The following CNBD1 variants were observed in gnomAD, a reference collection of about 807,000 sequenced individuals.
CNBD1 encodes the protein cyclic nucleotide-binding domain-containing protein 1.
CNBD1 carries 71 observed loss-of-function variants against 54.4 expected under a neutral mutation model. That is an observed-to-expected ratio of 1.30 (90% CI 1.08 to 1.59). The LOEUF is 1.59. Ranked by LOEUF, CNBD1 falls within the 40% of genes most tolerant of loss-of-function variation. CNBD1 has a pLI of 0.00. For missense variants in CNBD1, 659 were observed against 518.0 expected (o/e 1.27, Z -2.64); for synonymous variants, 182 against 170.7 (o/e 1.07, Z -0.51).
intron 3 of CNBD1, among the ~76,000 whole-genome samples, chr8:86,930,486 C>T (rs1809438892): frequency 6.6e-6 from 1 of 152,156 alleles, no homozygotes. Context: ...CAGATGAGGG[C>T]TATCCCTAAA....
intron 4 of CNBD1, among the ~76,000 whole-genome samples, chr8:87,090,546 T>A (rs2130678471): frequency 6.6e-6 from 1 of 152,310 alleles, no homozygotes; most frequent in Non-Finnish European, 1.5e-5. Flanking sequence ...ATTCTTAACT[T>A]TCTGATCTTC....
downstream of CNBD1, among the ~76,000 whole-genome samples, chr8:87,386,315 G>A (rs111267024): frequency 0.015 from 2,309 of 152,152 alleles, 57 homozygotes; most frequent in African/African-American, 0.049. Flanking sequence ...AAACTACTCC[G>A]AGCTAAAGCA....
At chr8:87,275,895 G>A (rs1298003034) in intron 6 of CNBD1, among the ~76,000 whole-genome samples, 1 of 151,862 alleles carries the variant, frequency 6.6e-6, no homozygotes, top group Non-Finnish European at 1.5e-5. Flanking sequence ...CAAAATCAAT[G>A]TACAAAAATC....
At chr8:87,017,554 T>G (rs2130570937) in intron 4 of CNBD1, among the ~76,000 whole-genome samples, 1 of 152,256 alleles carries the variant, frequency 6.6e-6, no homozygotes, top group East Asian at 1.9e-4. Context: ...TAAAAATGGT[T>G]TACATGAAAT....
intron 2 of CNBD1, among the ~76,000 whole-genome samples, chr8:87,416,296 A>G: frequency 6.6e-6 from 1 of 152,066 alleles, no homozygotes; most frequent in East Asian, 1.9e-4. Context: ...ACCTTCAAAC[A>G]TTCTATTTTC....
intron 8 of CNBD1, among the ~76,000 whole-genome samples, chr8:87,344,196 G>T (rs985764087): frequency 1.3e-5 from 2 of 151,924 alleles, no homozygotes; most frequent in African/African-American, 4.8e-5. Context: ...TATTTCAAAT[G>T]AACTAGTTAT....
chr8:86,980,770 A>G (rs77604968), intron 4 of CNBD1, among the ~76,000 whole-genome samples: 2,921 of 152,330 alleles, frequency 0.019, 93 homozygotes, highest in African/African-American at 0.06. Context: ...ATTCATAATC[A>G]TGTAATTAGG....
Position 87,297,132 on chromosome 8 carries a change from T to C in CNBD1, c.1042+10461T>C, listed in dbSNP as rs191259070. ...GGTGGAGCTTGCAGTGAGCCGAGAT[T>C]GTGCCACTGCAGTCCAGCCTGGGTC... On this transcript the variant is annotated intron_variant, in intron 8 of 10. Transcript: ENST00000518476. Among the ~76,000 whole-genome samples the C allele has an allele frequency of 5.2e-3, 738 of 140,782 alleles. 5 individuals carry two copies. The highest frequency in any genetic ancestry group is 0.019 in the African/African-American group (717 of 36,818). 92.4% of individuals were successfully genotyped at this position (140,782 alleles called of 152,430 possible).
intron 2 of CNBD1, among the ~76,000 whole-genome samples, chr8:87,390,877 A>G (rs111969011): frequency 0.019 from 2,860 of 152,188 alleles, 92 homozygotes; most frequent in African/African-American, 0.062. Flanking sequence ...TTAAGAAAAT[A>G]TGGCACATAT....
At chr8:86,938,849 A>C (rs947853528) in intron 3 of CNBD1, among the ~76,000 whole-genome samples, 1 of 152,206 alleles carries the variant, frequency 6.6e-6, no homozygotes, top group African/African-American at 2.4e-5. Flanking sequence ...GTTATATATT[A>C]ATGTGATAAT....
At chr8:87,187,029 T>C (rs1013658212) in intron 4 of CNBD1, among the ~76,000 whole-genome samples, 7 of 152,138 alleles carry the variant, frequency 4.6e-5, no homozygotes, top group Non-Finnish European at 7.4e-5. Flanking sequence ...GAAGAAAATA[T>C]TGAAGTACAT....
At chr8:87,129,718 A>G (rs1376553858) in intron 4 of CNBD1, among the ~76,000 whole-genome samples, 1 of 152,146 alleles carries the variant, frequency 6.6e-6, no homozygotes, top group Admixed American at 6.5e-5. Flanking sequence ...AGCTCTATCC[A>G]TAATTTAGGT....
At chr8:87,165,310 T>C (rs971564476) in intron 4 of CNBD1, among the ~76,000 whole-genome samples, 3 of 151,984 alleles carry the variant, frequency 2.0e-5, no homozygotes, top group African/African-American at 7.2e-5. Flanking sequence ...GTTTCTTTAT[T>C]GATTTTCTGC....
intron 4 of CNBD1, among the ~76,000 whole-genome samples, chr8:87,162,419 G>A (rs1164548042): frequency 6.6e-6 from 1 of 152,020 alleles, no homozygotes; most frequent in Non-Finnish European, 1.5e-5. Context: ...TCTGCTTTAA[G>A]TATCTGCATA....
At chr8:86,968,692 T>A (rs975436769) in intron 4 of CNBD1, among the ~76,000 whole-genome samples, 1 of 152,152 alleles carries the variant, frequency 6.6e-6, no homozygotes, top group African/African-American at 2.4e-5. Context: ...TCCTTTTGAG[T>A]CTTTGATCAG....
At chr8:86,867,863 T>A (rs940911963) in intron 1 of CNBD1, among the ~76,000 whole-genome samples, 5 of 152,316 alleles carry the variant, frequency 3.3e-5, no homozygotes, top group African/African-American at 1.2e-4. Context: ...ACACTTAACT[T>A]CTGTGAAGTG....
At chr8:87,404,627 G>A (rs1243261992) in intron 2 of CNBD1, among the ~76,000 whole-genome samples, 1 of 152,056 alleles carries the variant, frequency 6.6e-6, no homozygotes, top group East Asian at 1.9e-4. Flanking sequence ...TTTATGTCCT[G>A]TTTGGAAAAA....
intron 4 of CNBD1, among the ~76,000 whole-genome samples, chr8:87,164,905 T>C (rs1391637602): frequency 6.6e-6 from 1 of 151,916 alleles, no homozygotes; most frequent in Non-Finnish European, 1.5e-5. Context: ...ACTTAATGTA[T>C]GCATTGATAG....
intron 6 of CNBD1, among the ~76,000 whole-genome samples, chr8:87,257,262 G>A (rs558169398): frequency 1.3e-4 from 19 of 150,884 alleles, no homozygotes; most frequent in African/African-American, 4.6e-4. Flanking sequence ...CCAGCCACTG[G>A]GGAGGCTGAG....
Sources: gnomAD v4.1 joint callset for allele counts (sites outside exome capture counted in the v4.1 genomes callset) on GRCh38, gnomAD v4.1.1 for gene constraint, MANE v1.5 for transcripts, NCBI Gene and HGNC (gene_info 2026-07-23, HGNC 2026-07-21) for gene names.